The following SMAP1 variants were observed in gnomAD, a reference collection of about 807,000 sequenced individuals.
The protein encoded by SMAP1 is stromal membrane-associated protein 1.
A neutral mutation model predicts 58.5 loss-of-function variants in SMAP1; 24 were observed. The ratio of observed to expected loss-of-function variants is 0.41; its 90% CI spans 0.30 to 0.58. The LOEUF is 0.58. Among genes scored for constraint, SMAP1 ranks in the 20% least tolerant of loss-of-function variants. The pLI is 0.29. For missense variants in SMAP1, 563 were observed against 566.3 expected, an observed-to-expected ratio of 0.99 and a Z score of 0.06; for synonymous variants, 216 against 196.6, an observed-to-expected ratio of 1.10 and a Z score of -0.82.
At chr6:70,789,592 C>CTTTTTTT (rs200041762) in intron 4 of SMAP1, among the ~76,000 whole-genome samples, 15 of 135,684 alleles carry the variant, frequency 1.1e-4, no homozygotes, top group African/African-American at 1.6e-4. Flanking sequence ...TTTCTTTTTT[C>CTTTTTTT]TTTTTTTTTT....
rs1351822862 is a variant in SMAP1 at position 70,788,402 on chromosome 6, TAACA to T, written c.415-3283_415-3280del. 9.9e-5 allele frequency among the ~76,000 whole-genome samples: 15 copies of T among 151,786 alleles called. No homozygotes were observed. The East Asian group carries it at 2.9e-3, about 29-fold the overall frequency. ...CCAACATGGCACATGTATACATATGTAACAAACCTGCACATTGTGCGCATGTACC... is the reference window on the plus strand; with the variant it reads ...CCAACATGGCACATGTATACATATGTAACCTGCACATTGTGCGCATGTACC... On this transcript the variant is annotated intron_variant, in intron 4 of 10. Coordinates refer to ENST00000370455, the MANE Select transcript of SMAP1 (RefSeq NM_001044305.3).
chr6:70,765,153 T>A (rs1766914271), intron 3 of SMAP1, among the ~76,000 whole-genome samples: 1 of 152,228 alleles, frequency 6.6e-6, no homozygotes, highest in South Asian at 2.1e-4. Flanking sequence ...ATAAATGGAA[T>A]GTTTAGATTT....
chr6:70,829,083 G>C (rs1291263362), intron 6 of SMAP1, among the ~76,000 whole-genome samples: 1 of 152,114 alleles, frequency 6.6e-6, no homozygotes, highest in Admixed American at 6.5e-5. Context: ...ATACACAAAA[G>C]TTAATGTCAC....
intron 6 of SMAP1, among the ~76,000 whole-genome samples, chr6:70,819,214 A>ATTT (rs530675700): frequency 6.7e-6 from 1 of 149,362 alleles, no homozygotes; most frequent in African/African-American, 2.5e-5. Context: ...TTTTCTTGCA[A>ATTT]TTTTTTTTTT....
chr6:70,712,154 T>C (rs766474877), intron 1 of SMAP1, among the ~76,000 whole-genome samples: 12 of 152,250 alleles, frequency 7.9e-5, no homozygotes, highest in Non-Finnish European at 1.5e-4. Context: ...TGTGGAACTT[T>C]TGTCAAATGC....
chr6:70,762,267 T>G (rs1766781935), intron 3 of SMAP1, among the ~76,000 whole-genome samples: 1 of 152,144 alleles, frequency 6.6e-6, no homozygotes, highest in Non-Finnish European at 1.5e-5. Context: ...TAAATAAGGT[T>G]TTATTAGAAC....
chr6:70,787,678 A>C (rs374199931), intron 4 of SMAP1, among the ~76,000 whole-genome samples: 1 of 152,178 alleles, frequency 6.6e-6, no homozygotes, highest in African/African-American at 2.4e-5. Flanking sequence ...ACATTTATGC[A>C]GCCAAAAAAC....
At chr6:70,803,657 C>G (rs746878938) in intron 6 of SMAP1, among the ~76,000 whole-genome samples, 1 of 152,186 alleles carries the variant, frequency 6.6e-6, no homozygotes, top group African/African-American at 2.4e-5. Context: ...CCTCTACACA[C>G]TGCTTTAAAT....
intron 6 of SMAP1, among the ~76,000 whole-genome samples, chr6:70,815,668 A>G (rs1431831041): frequency 6.6e-6 from 1 of 152,130 alleles, no homozygotes; most frequent in Non-Finnish European, 1.5e-5. Flanking sequence ...GATTTTAAAG[A>G]CAGGATGGTT....
At chr6:70,775,604 T>C (rs765685491) in intron 4 of SMAP1, among the ~76,000 whole-genome samples, 10 of 152,218 alleles carry the variant, frequency 6.6e-5, no homozygotes, top group Non-Finnish European at 1.0e-4. Flanking sequence ...AGAACAAATA[T>C]GGCTAATGTT....
chr6:70,818,464 G>A (rs995317989), intron 6 of SMAP1, among the ~76,000 whole-genome samples: 3 of 152,108 alleles, frequency 2.0e-5, no homozygotes, highest in Non-Finnish European at 4.4e-5. Flanking sequence ...ACATACAAAT[G>A]TATTTGCAAG....
chr6:70,817,138 A>ATAT (rs1159580558), intron 6 of SMAP1, among the ~76,000 whole-genome samples: 7 of 140,536 alleles, frequency 5.0e-5, no homozygotes, highest in East Asian at 4.0e-4. Flanking sequence ...ATATATATAT[A>ATAT]TTTTTTTTTT....
chr6:70,760,747 G>A (rs541117221), intron 3 of SMAP1, among the ~76,000 whole-genome samples: 2 of 152,108 alleles, frequency 1.3e-5, no homozygotes, highest in Admixed American at 6.5e-5. Flanking sequence ...ACCAAACTAA[G>A]TTAAACTCAT....
chr6:70,694,187 T>C, intron 1 of SMAP1: 1 of 326,296 alleles, frequency 3.1e-6, no homozygotes, highest in East Asian at 1.1e-4. Context: ...ATCGAGGCTA[T>C]AACTTGATCT....
intron 4 of SMAP1, among the ~76,000 whole-genome samples, chr6:70,785,901 GA>G (rs1253520425): frequency 2.0e-5 from 3 of 152,178 alleles, no homozygotes; most frequent in Non-Finnish European, 4.4e-5. Flanking sequence ...CATTCCTTCT[GA>G]AACGATTCCA....
At chr6:70,800,775 T>G (rs187326638) in intron 6 of SMAP1, among the ~76,000 whole-genome samples, 12 of 152,210 alleles carry the variant, frequency 7.9e-5, no homozygotes, top group Admixed American at 6.5e-4. Flanking sequence ...TGTTTGACTT[T>G]CTGTCCTTGT....
At chr6:70,755,331 T>A (rs568232375) in intron 3 of SMAP1, among the ~76,000 whole-genome samples, 1 of 152,138 alleles carries the variant, frequency 6.6e-6, no homozygotes, top group Non-Finnish European at 1.5e-5. Flanking sequence ...AATGATTATT[T>A]GACTTACGAT....
chr6:70,850,593 G>T (rs1389515130), intron 7 of SMAP1, among the ~76,000 whole-genome samples: 6 of 151,596 alleles, frequency 4.0e-5, no homozygotes, highest in Admixed American at 3.3e-4. Flanking sequence ...AGCTAATAAA[G>T]TGCTTCCTCA....
intron 1 of SMAP1, among the ~76,000 whole-genome samples, chr6:70,674,011 C>A (rs1766374985): frequency 6.6e-6 from 1 of 152,110 alleles, no homozygotes; most frequent in Non-Finnish European, 1.5e-5. Context: ...ATATCTTTCT[C>A]CACCTTTATT....
Sources: allele counts gnomAD v4.1 joint callset (sites outside exome capture counted in the v4.1 genomes callset), GRCh38; gene constraint gnomAD v4.1.1; transcripts MANE v1.5; gene names NCBI Gene and HGNC (gene_info 2026-07-23, HGNC 2026-07-21).